TBC1D2B: variants seen among roughly 807,000 people sequenced by gnomAD.
TBC1D2B encodes TBC1 domain family member 2B.
Under a neutral mutation model 100.8 loss-of-function variants are expected in TBC1D2B, and 64 were observed. That is an observed-to-expected ratio of 0.64 (90% confidence interval 0.52 to 0.78). The LOEUF (loss-of-function observed/expected upper bound fraction) is 0.78, where lower values mean the gene tolerates loss of function less well. Ranked by LOEUF, TBC1D2B falls within the 30% of genes least tolerant of loss-of-function variation. TBC1D2B has a pLI of 0.00. For missense variants in TBC1D2B, 1,052 were observed against 1,218.4 expected (o/e 0.86, Z 2.03); for synonymous variants, 480 against 479.7 (o/e 1.00, Z -0.01).
chr15:78,034,783 T>C (rs1286362054), intron 3 of TBC1D2B: 2 of 976,284 alleles, frequency 2.0e-6, no homozygotes, highest in Non-Finnish European at 2.4e-6. Context: ...TGAAAGCCTC[T>C]TGAAGCTGAA....
At chr15:78,073,968 CAA>C (rs1026520627) in intron 1 of TBC1D2B, among the ~76,000 whole-genome samples, 3 of 138,724 alleles carry the variant, frequency 2.2e-5, no homozygotes, top group Admixed American at 1.4e-4. Flanking sequence ...GACTCTGTTT[CAA>C]AAAAAAAAAG....
intron 3 of TBC1D2B, among the ~76,000 whole-genome samples, chr15:78,038,136 C>T (rs964715882): frequency 7.2e-5 from 11 of 152,166 alleles, no homozygotes; most frequent in Non-Finnish European, 1.3e-4. Context: ...TGGAGCCTTC[C>T]CTCATCACTC....
chr15:78,022,101 C>G (rs183020328), intron 6 of TBC1D2B, among the ~76,000 whole-genome samples: 20 of 152,340 alleles, frequency 1.3e-4, no homozygotes, highest in Non-Finnish European at 5.9e-5. Flanking sequence ...TGGCTCATGC[C>G]TGTAATCTCA....
intron 2 of TBC1D2B, among the ~76,000 whole-genome samples, chr15:78,045,543 A>G (rs1389105608): frequency 7.0e-6 from 1 of 142,504 alleles, no homozygotes; most frequent in Non-Finnish European, 1.6e-5. Flanking sequence ...GTAAAGAGTG[A>G]CAGTGAAAAA....
chr15:78,015,918 G>C (rs1242822804), intron 8 of TBC1D2B, among the ~76,000 whole-genome samples: 1 of 152,128 alleles, frequency 6.6e-6, no homozygotes, highest in Non-Finnish European at 1.5e-5. Flanking sequence ...ACTGAAGCAA[G>C]GCTTCACCTG....
At chr15:77,999,383 A>G in intron 12 of TBC1D2B, 1 of 432,682 alleles carries the variant, frequency 2.3e-6, no homozygotes, top group Non-Finnish European at 4.7e-6. Flanking sequence ...CAAAACACCC[A>G]CTACTACCTG....
chr15:78,048,752 G>A (rs1424795265), intron 2 of TBC1D2B, among the ~76,000 whole-genome samples: 1 of 152,190 alleles, frequency 6.6e-6, no homozygotes, highest in Non-Finnish European at 1.5e-5. Context: ...TCCTCCTAAT[G>A]GGACTCCCCG....
At chr15:78,065,853 T>C (rs1403678559) in intron 1 of TBC1D2B, among the ~76,000 whole-genome samples, 1 of 152,092 alleles carries the variant, frequency 6.6e-6, no homozygotes, top group Admixed American at 6.5e-5. Flanking sequence ...TGGAGCCAGG[T>C]ACCAGGAACC....
chr15:78,002,971 T>G (rs2071955670), intron 11 of TBC1D2B: 1 of 191,490 alleles, frequency 5.2e-6, no homozygotes, highest in Non-Finnish European at 1.1e-5. Flanking sequence ...AATCCCCTGC[T>G]TATTAGATCT....
At position 78,000,613 on chromosome 15, in the gene TBC1D2B, ACT is replaced by A. The variant is rs899054852; in HGVS notation, c.2696+1004_2696+1005del. Among the ~76,000 whole-genome samples the A allele has an allele frequency of 4.1e-4, 62 of 152,184 alleles. 1 individual carries two copies. Among genetic ancestry groups the A allele is most frequent in the African/African-American group, 1.2e-3 (49 of 41,518 alleles). On this transcript the variant is annotated intron_variant, in intron 12 of 12. Coordinates refer to ENST00000300584, the MANE Select transcript of TBC1D2B (RefSeq NM_144572.2). ...TTACAAACCCACTCCCCAATAAAAGACTCTAAAAATAGCGACGACCTCCAGGA... is the reference window on the plus strand; with the variant it reads ...TTACAAACCCACTCCCCAATAAAAGACTAAAAATAGCGACGACCTCCAGGA...
At chr15:78,074,002 G>A (rs1014039752) in intron 1 of TBC1D2B, among the ~76,000 whole-genome samples, 2 of 151,444 alleles carry the variant, frequency 1.3e-5, no homozygotes. Context: ...TTAGAGTCGG[G>A]GTGTTTTTTG....
intron 8 of TBC1D2B, among the ~76,000 whole-genome samples, chr15:78,015,816 T>C (rs932945358): frequency 6.6e-6 from 1 of 152,174 alleles, no homozygotes; most frequent in Non-Finnish European, 1.5e-5. Flanking sequence ...AAAGATGGTG[T>C]TGGGTACTTT....
chr15:78,024,144 C>A lies in TBC1D2B; in HGVS notation c.1470+12G>T, dbSNP rs192235107. On this transcript the variant is annotated intron_variant, in intron 6 of 12. Coordinates refer to ENST00000300584, the MANE Select transcript of TBC1D2B (RefSeq NM_144572.2). ...CTCATGCCAATCACCAGAGCCCCTG[C>A]CCCACTCTTACTTTCAGCCTGTCCA... 2.1e-5 allele frequency: 33 copies of A among 1,600,840 alleles called. No individual in the cohort carries two copies. In the African/African-American group the frequency reaches 4.1e-4, roughly 20 times the overall value.
At position 78,069,190 on chromosome 15, in the gene TBC1D2B, G is replaced by A. The variant is rs147791460; in HGVS notation, c.360+8103C>T. On this transcript the variant is annotated intron_variant, in intron 1 of 12. Coordinates refer to ENST00000300584, the MANE Select transcript of TBC1D2B (RefSeq NM_144572.2). ...TACTCCTTCCATTTCTCAAGAAATC[G>A]TCATCTCCACAGAGGAAGGAAACTG... Among the ~76,000 whole-genome samples the A allele has an allele frequency of 1.3e-4, 20 of 152,270 alleles. No individual in the cohort carries two copies. The East Asian group carries it at 1.7e-3, about 13-fold the overall frequency.
chr15:78,040,618 A>AAGAG (rs10657887), intron 3 of TBC1D2B, among the ~76,000 whole-genome samples: 113,688 of 132,290 alleles, frequency 0.86, 49,049 homozygotes, highest in East Asian at 0.98. Context: ...GAGAGAAAGA[A>AAGAG]AGAGAGAGAG....
intron 1 of TBC1D2B, among the ~76,000 whole-genome samples, chr15:78,068,904 C>G (rs1337929265): frequency 2.0e-5 from 3 of 152,228 alleles, no homozygotes; most frequent in African/African-American, 7.2e-5. Context: ...AACACCCGAT[C>G]ACATGTCATT....
At chr15:78,070,449 C>G (rs752390554) in intron 1 of TBC1D2B, among the ~76,000 whole-genome samples, 3 of 152,180 alleles carry the variant, frequency 2.0e-5, no homozygotes, top group Non-Finnish European at 4.4e-5. Context: ...GTCTGTCCCC[C>G]CCACCTACTG....
chr15:78,012,262 T>C (rs1443063678), intron 9 of TBC1D2B, among the ~76,000 whole-genome samples: 3 of 152,202 alleles, frequency 2.0e-5, no homozygotes, highest in Non-Finnish European at 4.4e-5. Flanking sequence ...GTCCCATCCC[T>C]GCACAGCTCA....
chr15:78,040,692 AGGGG>A (rs1473480484), intron 3 of TBC1D2B, among the ~76,000 whole-genome samples: 1 of 105,476 alleles, frequency 9.5e-6, no homozygotes, highest in South Asian at 3.6e-4. Context: ...AAAGAAAGAA[AGGGG>A]GGGAGGGAGG....
Sources: allele counts gnomAD v4.1 joint callset (sites outside exome capture counted in the v4.1 genomes callset), GRCh38; gene constraint gnomAD v4.1.1; transcripts MANE v1.5; gene names NCBI Gene and HGNC (gene_info 2026-07-23, HGNC 2026-07-21).